Variants in BSDC1 observed in about 807,000 individuals in gnomAD.
BSDC1 encodes BSD domain-containing protein 1.
Under a neutral mutation model 56.0 loss-of-function variants are expected in BSDC1, and 29 were observed. The observed-to-expected ratio is 0.52, with a 90% CI of 0.39 to 0.71. The LOEUF is 0.71. Among genes scored for constraint, BSDC1 ranks in the 30% least tolerant of loss-of-function variants. The pLI, the probability that BSDC1 is intolerant of heterozygous loss-of-function variation, is 0.00. For missense variants in BSDC1, 477 were observed against 548.5 expected (o/e 0.87, Z 1.30); for synonymous variants, 210 against 215.3 (o/e 0.98, Z 0.21).
chr1:32,382,803 G>T (rs1238704020), intron 4 of BSDC1, among the ~76,000 whole-genome samples: 2 of 140,224 alleles, frequency 1.4e-5, no homozygotes, highest in Non-Finnish European at 3.0e-5. Context: ...CCAGGAAGTT[G>T]AAGCTGCAGT....
In BSDC1 at chr1:32,366,607, C is replaced by T. The variant is rs1226413564; in HGVS notation, c.*15G>A. On this transcript the variant is annotated 3_prime_UTR_variant, in exon 11 of 11. Coordinates refer to ENST00000455895, the MANE Select transcript of BSDC1 (RefSeq NM_018045.8). ...AGAGATGCCATGGGTGGGGGAGCTG[C>T]TCCCTCTGGCTCCCTCACTCCCAGT... 4 of 1,500,898 alleles carry T rather than the reference C, an allele frequency of 2.7e-6. No individual in the cohort carries two copies. The East Asian group carries it at 9.9e-5, about 37-fold the overall frequency. 93.0% of individuals were successfully genotyped at this position (1,500,898 alleles called of 1,614,324 possible).
At chr1:32,386,573 C>T in intron 3 of BSDC1, 2 of 455,066 alleles carry the variant, frequency 4.4e-6, no homozygotes, top group Non-Finnish European at 7.8e-6. Context: ...TTTGCTAAAA[C>T]AATACAGAAG....
rs1055220852 is a variant in BSDC1, at chr1:32,375,158, A to C, written c.1156+1104T>G. ...CAGTGAGACTCCGCCTCAAAAAAAAAACAATAAAAACCAGGTAGGAGCCCA... is the reference window on the plus strand; with the variant it reads ...CAGTGAGACTCCGCCTCAAAAAAAACACAATAAAAACCAGGTAGGAGCCCA... On this transcript the variant is annotated intron_variant, in intron 9 of 10. Transcript: ENST00000455895. Among the ~76,000 whole-genome samples, 7 of 152,162 alleles carry C rather than the reference A, an allele frequency of 4.6e-5. No homozygotes were observed. The East Asian group carries it at 1.4e-3, about 29-fold the overall frequency.
intron 2 of BSDC1, among the ~76,000 whole-genome samples, chr1:32,387,452 G>A (rs766701994): frequency 7.3e-5 from 11 of 151,230 alleles, no homozygotes; most frequent in Non-Finnish European, 1.2e-4. Flanking sequence ...AGCGATTTTC[G>A]TGCCTCAGCC....
chr1:32,384,030 C>T (rs1412511226), intron 3 of BSDC1, 33 bp from the exon 4 acceptor site: 5 of 1,612,568 alleles, frequency 3.1e-6, no homozygotes, highest in African/African-American at 1.3e-5. Flanking sequence ...AAGCAAGCGC[C>T]CCGGGAACAG....
chr1:32,369,189 G>A lies in BSDC1; in HGVS notation c.1157-639C>T, dbSNP rs1641976027. On this transcript the variant is annotated intron_variant, in intron 9 of 10. Coordinates refer to ENST00000455895, the MANE Select transcript of BSDC1 (RefSeq NM_018045.8). ...GTAGGCTGTTAGAGGTTAGGCTGGA[G>A]AAGAACTTCACATCCATGCCAAACA... 3.6e-6 allele frequency: 4 copies of A among 1,115,612 alleles called. No homozygotes were observed. The South Asian group carries it at 5.2e-5, about 15-fold the overall frequency. The allele number at this position is 1,115,612 out of a possible 1,614,324, so 69.1% of individuals were successfully genotyped here. A position where few individuals can be genotyped will look rare whatever the true frequency, so the allele number is the denominator to read the frequency against.
At chr1:32,381,941 T>C (rs1038724873) in intron 4 of BSDC1, among the ~76,000 whole-genome samples, 1 of 152,214 alleles carries the variant, frequency 6.6e-6, no homozygotes, top group Non-Finnish European at 1.5e-5. Context: ...AAAAGTTCAA[T>C]GTGGGCCGGG....
At chr1:32,387,357 T>C (rs1042326769) in intron 2 of BSDC1, among the ~76,000 whole-genome samples, 16 of 152,010 alleles carry the variant, frequency 1.1e-4, no homozygotes, top group Middle Eastern at 3.4e-3. Flanking sequence ...TTTTTTTTTC[T>C]TGAGACAGAG....
intron 10 of BSDC1, chr1:32,368,235 G>C: frequency 6.8e-7 from 1 of 1,474,022 alleles, no homozygotes; most frequent in Non-Finnish European, 9.0e-7. Flanking sequence ...TCAAGAACTT[G>C]ACCCTCTATC....
chr1:32,382,097 T>C (rs1815225), intron 4 of BSDC1, among the ~76,000 whole-genome samples: 10,687 of 151,796 alleles, frequency 0.07, 1,206 homozygotes, highest in African/African-American at 0.24. Context: ...CATGGTGATG[T>C]GCGCCTGTAA....
chr1:32,367,788 AC>A, intron 10 of BSDC1: 1 of 899,964 alleles, frequency 1.1e-6, no homozygotes, highest in Non-Finnish European at 1.3e-6. Flanking sequence ...AGTGCTGGTC[AC>A]CATGTCTCAG....
At chr1:32,392,644 A>G (rs1205921979) in intron 2 of BSDC1, among the ~76,000 whole-genome samples, 1 of 152,196 alleles carries the variant, frequency 6.6e-6, no homozygotes, top group Non-Finnish European at 1.5e-5. Context: ...GGTCTCTTCT[A>G]TCAAATGTTA....
chr1:32,371,073 A>C (rs1431869840), intron 9 of BSDC1, among the ~76,000 whole-genome samples: 5 of 152,046 alleles, frequency 3.3e-5, no homozygotes, highest in Non-Finnish European at 7.3e-5. Context: ...TAATATTAAA[A>C]AGATATATAT....
Position 32,376,607 on chromosome 1 carries a change from G to A in BSDC1, c.811C>T (p.Pro271Ser). The A allele has an allele frequency of 2.0e-6, 3 of 1,477,530 alleles. No individual in the cohort carries two copies. Among genetic ancestry groups the A allele is most frequent in the Non-Finnish European group, 2.7e-6 (3 of 1,102,952 alleles). The allele number at this position is 1,477,530 out of a possible 1,614,324, so 91.5% of individuals were successfully genotyped here. ...EENLVTSVEP[P>S]AEVTPSESSE... Reference sequence around the variant, plus strand: ...CTCTCTGATGGAGTCACCTCTGCTGGGGGCTCAACTGAAGTCACCAGATTC... The same window carrying A: ...CTCTCTGATGGAGTCACCTCTGCTGAGGGCTCAACTGAAGTCACCAGATTC... Residue 271 changes from proline (P) to serine (S), a missense_variant, in exon 9 of 11, where the codon CCA (proline) becomes TCA (serine). Transcript: ENST00000455895.
chr1:32,366,940 C>T, intron 10 of BSDC1: 1 of 1,180,836 alleles, frequency 8.5e-7, no homozygotes, highest in Middle Eastern at 3.4e-4. Flanking sequence ...CTACAGGAAC[C>T]AAGTCAGCCT....
At chr1:32,390,783 C>A (rs555825269) in intron 2 of BSDC1, among the ~76,000 whole-genome samples, 1 of 151,932 alleles carries the variant, frequency 6.6e-6, no homozygotes, top group Non-Finnish European at 1.5e-5. Context: ...TGATGGTACA[C>A]GCCTATAGTC....
rs768625179 is a variant in BSDC1 at position 32,377,960 on chromosome 1, C to A, written c.676+10G>T. 18 of 1,608,310 alleles carry A rather than the reference C, an allele frequency of 1.1e-5. No homozygotes were observed. The South Asian group carries it at 1.9e-4, about 17-fold the overall frequency. ...GTGACACTTGCCCCTCACCTCTCAA[C>A]GCCTCTTACCTTCCTCCTCCTCCCA... On this transcript the variant is annotated intron_variant, in intron 8 of 10. Coordinates refer to ENST00000455895, the MANE Select transcript of BSDC1 (RefSeq NM_018045.8).
At chr1:32,377,008 T>C (rs933182804) in intron 8 of BSDC1, among the ~76,000 whole-genome samples, 7 of 152,102 alleles carry the variant, frequency 4.6e-5, no homozygotes, top group Admixed American at 2.0e-4. Context: ...TGGTGGCACG[T>C]GCCTGTAATC....
At position 32,381,229 on chromosome 1, in the gene BSDC1, A is replaced by T. The variant is rs771369020; in HGVS notation, c.397T>A (p.Cys133Ser). The T allele has an allele frequency of 3.7e-6, 6 of 1,613,782 alleles. No homozygotes were observed. In the Admixed American group the frequency reaches 1.0e-4, roughly 27 times the overall value. Reference protein sequence around the residue: ...YSLQSDPATYCNEPDGPPELF... With the variant: ...YSLQSDPATYSNEPDGPPELF... ...ACCCTCTCACCATCTGGTTCATTACAGTAGGTTGCTGGGTCCGACTGCAGG... is the reference window on the plus strand; with the variant it reads ...ACCCTCTCACCATCTGGTTCATTACTGTAGGTTGCTGGGTCCGACTGCAGG... The change falls in exon 5 of 11, where the codon TGT (cysteine) becomes AGT (serine). Residue 133 changes from cysteine (C) to serine (S), a missense_variant. Transcript: ENST00000455895.
Sources: gnomAD v4.1 joint callset for allele counts (sites outside exome capture counted in the v4.1 genomes callset) on GRCh38, gnomAD v4.1.1 for gene constraint, MANE v1.5 for transcripts, NCBI Gene and HGNC (gene_info 2026-07-23, HGNC 2026-07-21) for gene names.